EXOC4: variants seen among roughly 807,000 people sequenced by gnomAD.
The protein encoded by EXOC4 is SEC8-like 1.
A neutral mutation model predicts 107.2 loss-of-function variants in EXOC4; 71 were observed. The ratio of observed to expected loss-of-function variants is 0.66; its 90% CI spans 0.55 to 0.81. The LOEUF is 0.81. EXOC4 is among the 30% of genes least tolerant of loss of function. The probability of loss-of-function intolerance (pLI) is 0.00; values close to 1 mark genes in which losing one functional copy is unlikely to be tolerated. For synonymous variants in EXOC4, 456 were observed against 441.2 expected, an observed-to-expected ratio of 1.03 and a Z score of -0.42; for missense variants, 1,108 against 1,189.6, an observed-to-expected ratio of 0.93 and a Z score of 1.01.
chr7:133,776,821 T>G lies in EXOC4; in HGVS notation c.1515-40504T>G, dbSNP rs568851612. ...AGTATGATTCTCTGTGTTTCTTTAT[T>G]GCATGTTATGGGCCATGAATTTGTT... On this transcript the variant is annotated intron_variant, in intron 10 of 17. Coordinates refer to ENST00000253861, the MANE Select transcript of EXOC4 (RefSeq NM_021807.4). Among the ~76,000 whole-genome samples the G allele has an allele frequency of 5.9e-5, 9 of 152,304 alleles. No individual in the cohort carries two copies. The South Asian group carries it at 8.3e-4, about 14-fold the overall frequency.
At chr7:133,327,803 C>A (rs2150598707) in intron 5 of EXOC4, among the ~76,000 whole-genome samples, 1 of 152,248 alleles carries the variant, frequency 6.6e-6, no homozygotes, top group Non-Finnish European at 1.5e-5. Context: ...GTCTGAGATA[C>A]TGTTTGTTAT....
At chr7:133,769,446 C>T (rs1796203150) in intron 10 of EXOC4, among the ~76,000 whole-genome samples, 1 of 151,776 alleles carries the variant, frequency 6.6e-6, no homozygotes, top group African/African-American at 2.4e-5. Flanking sequence ...TTTGAACAGA[C>T]ATGTTTTTGA....
Position 133,399,081 on chromosome 7 carries a change from A to T in EXOC4, c.1182+24079A>T, listed in dbSNP as rs113074680. Reference sequence around the variant, plus strand: ...CAGTACTATCCTCTGAAATGTTGCCATTTTCAGTTTATAGTTATTATTTTT... The same window carrying T: ...CAGTACTATCCTCTGAAATGTTGCCTTTTTCAGTTTATAGTTATTATTTTT... On this transcript the variant is annotated intron_variant, in intron 7 of 17. Coordinates refer to ENST00000253861, the MANE Select transcript of EXOC4 (RefSeq NM_021807.4). Among the ~76,000 whole-genome samples, 549 of 152,200 alleles carry T rather than the reference A, an allele frequency of 3.6e-3. 5 individuals carry two copies. The highest frequency in any genetic ancestry group is 0.012 in the African/African-American group (512 of 41,512).
At chr7:133,848,189 C>T (rs1308993094) in intron 11 of EXOC4, among the ~76,000 whole-genome samples, 2 of 152,132 alleles carry the variant, frequency 1.3e-5, no homozygotes, top group Admixed American at 6.5e-5. Flanking sequence ...ACCCCAGCAA[C>T]AGATCACCTA....
intron 11 of EXOC4, among the ~76,000 whole-genome samples, chr7:133,833,947 G>A (rs1216532848): frequency 2.6e-5 from 4 of 152,108 alleles, no homozygotes; most frequent in African/African-American, 4.8e-5. Flanking sequence ...GGTGAAGAAG[G>A]TAGAATAGAG....
At chr7:134,004,145 G>A (rs900158498) in intron 15 of EXOC4, among the ~76,000 whole-genome samples, 2 of 152,000 alleles carry the variant, frequency 1.3e-5, no homozygotes, top group Admixed American at 1.3e-4. Context: ...GGTCTTTAGG[G>A]ATACAAACTG....
At chr7:133,381,093 T>G (rs895039128) in intron 7 of EXOC4, among the ~76,000 whole-genome samples, 2 of 152,200 alleles carry the variant, frequency 1.3e-5, no homozygotes, top group Non-Finnish European at 2.9e-5. Flanking sequence ...CTACTCATCT[T>G]TATTATTGCC....
At chr7:133,371,183 G>C (rs535001724) in intron 6 of EXOC4, among the ~76,000 whole-genome samples, 197 of 152,250 alleles carry the variant, frequency 1.3e-3, no homozygotes, top group Non-Finnish European at 2.3e-3. Flanking sequence ...GTGCTAGAGA[G>C]GTGTTGGATC....
At chr7:133,954,773 CA>C (rs1800775521) in intron 14 of EXOC4, among the ~76,000 whole-genome samples, 1 of 152,196 alleles carries the variant, frequency 6.6e-6, no homozygotes, top group Admixed American at 6.5e-5. Context: ...GCAAGTGGAG[CA>C]GCAAGAGGGG....
intron 11 of EXOC4, among the ~76,000 whole-genome samples, chr7:133,842,973 A>C (rs1798052364): frequency 6.6e-6 from 1 of 152,062 alleles, no homozygotes; most frequent in African/African-American, 2.4e-5. Flanking sequence ...GTAGATGTGC[A>C]GCATTATTTC....
rs10638999 is a variant in EXOC4, at chr7:133,445,617, T to TACAAACAAACAAACAA, written c.1183-29697_1183-29682dup. Among the ~76,000 whole-genome samples the TACAAACAAACAAACAA allele has an allele frequency of 3.6e-3, 542 of 150,582 alleles. 1 individual carries two copies. Among genetic ancestry groups the TACAAACAAACAAACAA allele is most frequent in the African/African-American group, 7.8e-3 (321 of 40,954 alleles). On this transcript the variant is annotated intron_variant, in intron 7 of 17. Coordinates refer to ENST00000253861, the MANE Select transcript of EXOC4 (RefSeq NM_021807.4). ...CCACCTCAGAGGCCTGGACAGTTAC[T>TACAAACAAACAAACAA]ACAAACAAACAAACAAACAAACAAA...
intron 7 of EXOC4, among the ~76,000 whole-genome samples, chr7:133,465,022 G>C (rs2150831409): frequency 6.6e-6 from 1 of 151,728 alleles, no homozygotes; most frequent in African/African-American, 2.4e-5. Flanking sequence ...CCTCACTGCT[G>C]TTACCCAGGC....
intron 10 of EXOC4, among the ~76,000 whole-genome samples, chr7:133,720,799 G>A (rs1006860476): frequency 2.0e-5 from 3 of 152,144 alleles, no homozygotes; most frequent in African/African-American, 4.8e-5. Flanking sequence ...ATTCCAGCAA[G>A]AGGATAGATA....
intron 11 of EXOC4, among the ~76,000 whole-genome samples, chr7:133,850,608 G>T (rs927123137): frequency 1.3e-5 from 2 of 151,658 alleles, no homozygotes; most frequent in Admixed American, 1.3e-4. Context: ...GTTCAGACAT[G>T]AGAGGGCTTA....
At chr7:134,072,136 A>G in the EXOC4 span, among the ~76,000 whole-genome samples, 1 of 152,210 alleles carries the variant, frequency 6.6e-6, no homozygotes, top group Non-Finnish European at 1.5e-5. Context: ...GATAACCCCA[A>G]GAGGTTGAAG....
At chr7:134,079,268 A>C in the EXOC4 span, among the ~76,000 whole-genome samples, 1 of 152,158 alleles carries the variant, frequency 6.6e-6, no homozygotes, top group Non-Finnish European at 1.5e-5. Flanking sequence ...GTTTCCTCTG[A>C]GGCAAGCACA....
chr7:134,056,577 G>T (rs1220804898), intron 17 of EXOC4, among the ~76,000 whole-genome samples: 1 of 152,190 alleles, frequency 6.6e-6, no homozygotes, highest in African/African-American at 2.4e-5. Context: ...TACAAATGGG[G>T]TTTGACCAAA....
chr7:133,614,883 C>G (rs1043020462), intron 9 of EXOC4, among the ~76,000 whole-genome samples: 4 of 148,796 alleles, frequency 2.7e-5, no homozygotes, highest in Admixed American at 2.7e-4. Context: ...AGACAACATA[C>G]CAGAGGAATT....
At chr7:133,810,197 A>G (rs550811492) in intron 10 of EXOC4, among the ~76,000 whole-genome samples, 1 of 152,330 alleles carries the variant, frequency 6.6e-6, no homozygotes, top group East Asian at 1.9e-4. Flanking sequence ...CTACAATACG[A>G]TATAGGACCT....
Sources: allele counts gnomAD v4.1 joint callset (sites outside exome capture counted in the v4.1 genomes callset), GRCh38; gene constraint gnomAD v4.1.1; transcripts MANE v1.5; gene names NCBI Gene and HGNC (gene_info 2026-07-23, HGNC 2026-07-21).